The following FKBP6 variants were observed in gnomAD, a reference collection of about 807,000 sequenced individuals.
FKBP6 encodes the protein FKBP prolyl isomerase family member 6 (inactive).
A neutral mutation model predicts 41.7 loss-of-function variants in FKBP6; 29 were observed. That is an observed-to-expected ratio of 0.70 (90% confidence interval 0.52 to 0.95). FKBP6 has a LOEUF of 0.95. FKBP6 is among the 40% of genes least tolerant of loss of function. The probability of loss-of-function intolerance (pLI) is 0.00; values close to 1 mark genes in which losing one functional copy is unlikely to be tolerated. For missense variants in FKBP6, 338 were observed against 408.7 expected (o/e 0.83, Z 1.49); for synonymous variants, 130 against 165.1 (o/e 0.79, Z 1.63).
At chr7:73,333,539 C>T (rs1348406064) in intron 5 of FKBP6, among the ~76,000 whole-genome samples, 4 of 152,186 alleles carry the variant, frequency 2.6e-5, no homozygotes, top group Non-Finnish European at 5.9e-5. Flanking sequence ...CTTAACATAA[C>T]ACAAGCACCA....
At chr7:73,348,297 T>G (rs746807115) in intron 8 of FKBP6, among the ~76,000 whole-genome samples, 1 of 152,168 alleles carries the variant, frequency 6.6e-6, no homozygotes, top group Non-Finnish European at 1.5e-5. Context: ...TGCCACACCT[T>G]TCCCCCCCTT....
intron 5 of FKBP6, among the ~76,000 whole-genome samples, chr7:73,339,611 T>A (rs1347736846): frequency 6.6e-6 from 1 of 150,644 alleles, no homozygotes; most frequent in Non-Finnish European, 1.5e-5. Flanking sequence ...TCCATGTGAC[T>A]CTTTTTTTTT....
chr7:73,341,941 C>A (rs1805203886), intron 7 of FKBP6, among the ~76,000 whole-genome samples: 1 of 152,030 alleles, frequency 6.6e-6, no homozygotes, highest in African/African-American at 2.4e-5. Context: ...GCTGGGATTA[C>A]AGGCACAAGC....
intron 8 of FKBP6, among the ~76,000 whole-genome samples, chr7:73,354,244 T>TGGCC (rs1381223468): frequency 6.6e-6 from 1 of 152,118 alleles, no homozygotes; most frequent in Non-Finnish European, 1.5e-5. Context: ...TGGGACTAGG[T>TGGCC]GGCCAGTTGT....
intron 4 of FKBP6, 146 bp from the exon 5 acceptor site, chr7:73,331,511 C>G (rs1236125837): frequency 2.6e-6 from 2 of 761,858 alleles, no homozygotes; most frequent in East Asian, 5.2e-5. Context: ...TCCTTTCTTT[C>G]AATTACTATT....
At chr7:73,352,761 T>C (rs781825577) in intron 8 of FKBP6, among the ~76,000 whole-genome samples, 8 of 152,104 alleles carry the variant, frequency 5.3e-5, no homozygotes, top group Admixed American at 1.3e-4. Flanking sequence ...CAGAGGTCAC[T>C]CAGACATTCA....
chr7:73,342,665 A>G, intron 7 of FKBP6, 142 bp from the exon 8 acceptor site: 2 of 738,810 alleles, frequency 2.7e-6, no homozygotes, highest in East Asian at 2.6e-5. Flanking sequence ...CCACCTCTCC[A>G]GCTTACTTCC....
rs1374289909 is a variant in FKBP6, at chr7:73,328,473, C to T, written c.45C>T (p.Asp15=). The T allele has an allele frequency of 7.1e-6, 11 of 1,551,834 alleles. No homozygotes were observed. The highest frequency in any genetic ancestry group is 4.1e-5 in the African/African-American group (3 of 73,448). ...ACCAGGGAGTCCTGGAAGGGGACGA[C>T]GCCCCCGGCCAGGTGAGGGCCCAGA... ...ALNQGVLEGD[D]APGQSLYERL... is the part of the protein sequence containing the mutation. The change falls in exon 1 of 9, where the codon GAC becomes GAT. Residue 15 remains aspartate, a synonymous_variant. Coordinates refer to ENST00000252037, the MANE Select transcript of FKBP6 (RefSeq NM_003602.5).
At chr7:73,330,060 G>T in intron 3 of FKBP6, 90 bp from the exon 4 acceptor site, 1 of 906,440 alleles carries the variant, frequency 1.1e-6, no homozygotes, top group South Asian at 1.4e-5. Context: ...ATGGAGGCCA[G>T]AGTACTGCTG....
At chr7:73,331,853 G>A in intron 5 of FKBP6, 77 bp downstream of exon 5, 2 of 1,496,120 alleles carry the variant, frequency 1.3e-6, no homozygotes, top group Non-Finnish European at 9.3e-7. Flanking sequence ...ATTTTGTTTT[G>A]TTGTGATTTT....
At chr7:73,343,500 T>C (rs1805253912) in intron 8 of FKBP6, among the ~76,000 whole-genome samples, 1 of 152,176 alleles carries the variant, frequency 6.6e-6, no homozygotes, top group African/African-American at 2.4e-5. Context: ...CCAACTTGAC[T>C]GTGTCTCTAA....
chr7:73,339,198 C>G (rs572997498), intron 5 of FKBP6: 6 of 152,176 alleles, frequency 3.9e-5, no homozygotes, highest in African/African-American at 1.4e-4. Flanking sequence ...CCGAAGCCAG[C>G]GCAGAGTCTT....
intron 5 of FKBP6, among the ~76,000 whole-genome samples, chr7:73,332,194 TTTC>T (rs1563311806): frequency 6.6e-6 from 1 of 152,084 alleles, no homozygotes; most frequent in African/African-American, 2.4e-5. Context: ...TTCTCCCTAC[TTTC>T]TATGAGCAGC....
intron 8 of FKBP6, among the ~76,000 whole-genome samples, chr7:73,354,538 G>A (rs913070531): frequency 2.6e-5 from 4 of 152,240 alleles, no homozygotes; most frequent in Admixed American, 1.3e-4. Context: ...TGTCACAGCA[G>A]AGTCCCAAGG....
At chr7:73,353,263 A>G (rs1805539133) in intron 8 of FKBP6, among the ~76,000 whole-genome samples, 1 of 152,124 alleles carries the variant, frequency 6.6e-6, no homozygotes, top group African/African-American at 2.4e-5. Context: ...TCCTTCATTT[A>G]ACCACAGAAT....
intron 7 of FKBP6, among the ~76,000 whole-genome samples, chr7:73,341,917 C>T (rs1269866520): frequency 1.3e-5 from 2 of 151,992 alleles, no homozygotes; most frequent in African/African-American, 2.4e-5. Flanking sequence ...CCCCCCACCT[C>T]GTCCTTCCAA....
chr7:73,355,702 GT>G (rs2115992304), intron 8 of FKBP6, among the ~76,000 whole-genome samples: 1 of 151,286 alleles, frequency 6.6e-6, no homozygotes, highest in South Asian at 2.1e-4. Context: ...AGGCTTGACA[GT>G]GAACATCTTT....
chr7:73,329,009 T>G (rs1804737477), intron 2 of FKBP6, among the ~76,000 whole-genome samples: 1 of 152,108 alleles, frequency 6.6e-6, no homozygotes, highest in Admixed American at 6.6e-5. Flanking sequence ...GACTCTATGT[T>G]GCCCAGGCTG....
intron 5 of FKBP6, among the ~76,000 whole-genome samples, chr7:73,339,739 A>G (rs1454869429): frequency 2.0e-5 from 3 of 151,178 alleles, no homozygotes; most frequent in Non-Finnish European, 2.9e-5. Context: ...TCAGCCTCCA[A>G]TGTAGCTGGA....
Sources: gnomAD v4.1 joint callset for allele counts (sites outside exome capture counted in the v4.1 genomes callset) on GRCh38, gnomAD v4.1.1 for gene constraint, MANE v1.5 for transcripts, NCBI Gene and HGNC (gene_info 2026-07-23, HGNC 2026-07-21) for gene names.